DGKQ: variants seen among roughly 807,000 people sequenced by gnomAD.
DGKQ encodes DAG kinase theta.
Under a neutral mutation model 104.2 loss-of-function variants are expected in DGKQ, and 97 were observed. That is an observed-to-expected ratio of 0.93 (90% CI 0.79 to 1.10). DGKQ has a LOEUF of 1.10. Among genes scored for constraint, DGKQ ranks in the 50% least tolerant of loss-of-function variants. DGKQ has a pLI of 0.00. For missense variants in DGKQ, 1,465 were observed against 1,352.1 expected, an observed-to-expected ratio of 1.08 and a Z score of -1.31; for synonymous variants, 736 against 595.2, an observed-to-expected ratio of 1.24 and a Z score of -3.44.
Position 967,712 on chromosome 4 carries a change from T to C in DGKQ, c.886+16A>G. ...GGGACCTCAGTGGAGTTGGGGGGAA[T>C]GAGGCGGGCACTTACCGGACTCCGG... On this transcript the variant is annotated intron_variant, in intron 7 of 22. Transcript: ENST00000273814. The C allele has an allele frequency of 6.2e-7, 1 of 1,611,832 alleles. No individual in the cohort carries two copies.
rs766877502 is a variant in DGKQ at position 965,178 on chromosome 4, G to A, written c.1732C>T (p.Leu578=). Residue 578 remains leucine, a splice_region_variant and synonymous_variant, in exon 15 of 23, where the codon CTG becomes TTG. Transcript: ENST00000273814. ...LLTALVLPDL[L]HAKLPPDSCP... ...AGCCGGCTTGACCGCACACTCACCA[G>A]CAGGTCGGGGAGCACCAGGGCAGTG... 6.2e-7 allele frequency: 1 copy of A among 1,612,096 alleles called. No homozygotes were observed. Among genetic ancestry groups the A allele is most frequent in the Admixed American group, 1.7e-5 (1 of 60,032 alleles).
chr4:963,299 CAG>C lies in DGKQ; in HGVS notation c.1735-11_1735-10del, dbSNP rs750210807. On this transcript the variant is annotated splice_polypyrimidine_tract_variant and intron_variant, in intron 15 of 22. Transcript: ENST00000273814. The stretch of plus-strand genomic sequence containing the variant: ...GGGGGCAGCTTCGCGTGCTGACAGA[CAG>C]GGGGCTGGGTTAGGATGGGGACCCA... 129 of 1,597,278 alleles carry C rather than the reference CAG, an allele frequency of 8.1e-5. No homozygotes were observed. Among genetic ancestry groups the C allele is most frequent in the East Asian group, 2.0e-4 (9 of 44,392 alleles).
chr4:962,861 G>A lies in DGKQ; in HGVS notation c.1946C>T (p.Thr649Ile), dbSNP rs778607055. 1 of 1,608,598 alleles carries A rather than the reference G, an allele frequency of 6.2e-7. No individual in the cohort carries two copies. Among genetic ancestry groups the A allele is most frequent in the Admixed American group, 1.7e-5 (1 of 59,498 alleles). The change falls in exon 17 of 23, where the codon ACT becomes ATT. Residue 649 changes from threonine (T) to isoleucine (I), a missense_variant. Thr to Ile is a moderately conservative substitution (Grantham distance 89). Coordinates refer to ENST00000273814, the MANE Select transcript of DGKQ (RefSeq NM_001347.4). ...CAGGGCGCCAAGCACCCAGCCCACA[G>A]TGCCATCGCCACCACACACCAGCAC... is the stretch of plus-strand genomic sequence containing the variant. ...FRVLVCGGDG[T>I]VGWVLGALEE...
At position 960,368 on chromosome 4, in the gene DGKQ, C is replaced by A; in HGVS notation, c.*252G>T. On this transcript the variant is annotated 3_prime_UTR_variant, in exon 23 of 23. Coordinates refer to ENST00000273814, the MANE Select transcript of DGKQ (RefSeq NM_001347.4). ...TCACCATCCAGAGCCCTGCGCCCAC[C>A]CGGGACACGGGGTAACACTGCCACC... 1 of 566,084 alleles carries A rather than the reference C, an allele frequency of 1.8e-6. No individual in the cohort carries two copies. The highest frequency in any genetic ancestry group is 3.2e-6 in the Non-Finnish European group (1 of 314,248). 35.1% of individuals were successfully genotyped at this position (566,084 alleles called of 1,614,324 possible).
rs35245784 is a variant in DGKQ at position 969,612 on chromosome 4, C to CTT, written c.352-704_352-703dup. 5.7e-3 allele frequency among the ~76,000 whole-genome samples: 822 copies of CTT among 143,272 alleles called. 10 individuals carry two copies. The highest frequency in any genetic ancestry group is 7.4e-3 in the African/African-American group (287 of 38,996). 94.0% of individuals were successfully genotyped at this position (143,272 alleles called of 152,430 possible). On this transcript the variant is annotated intron_variant, in intron 2 of 22. Transcript: ENST00000273814. ...ACTTTTATTTTGTTAAATATATCTC[C>CTT]TTTTTTTTTTTTTTTGAGATGGAGT... is the stretch of plus-strand genomic sequence containing the variant.
intron 15 of DGKQ, among the ~76,000 whole-genome samples, chr4:964,251 C>G (rs1305260748): frequency 6.6e-6 from 1 of 152,204 alleles, no homozygotes; most frequent in Non-Finnish European, 1.5e-5. Flanking sequence ...GGAGGCATAG[C>G]AGGGAGCCAC....
intron 15 of DGKQ, 69 bp from the exon 16 acceptor site, chr4:963,359 G>T: frequency 6.9e-7 from 1 of 1,449,778 alleles, no homozygotes; most frequent in Non-Finnish European, 9.4e-7. Context: ...GGGTTGCCAG[G>T]CAGTGCCCAG....
Position 965,928 on chromosome 4 carries a change from C to T in DGKQ, c.1579G>A (p.Ala527Thr), listed in dbSNP as rs749711296. ...SLLHEAGATK[A>T]TVVSVSHIYS... The stretch of plus-strand genomic sequence containing the variant: ...CCACGGCCAGCCACAGTGGTCACAC[C>T]TTTGGTAGCCCCGGCCTCATGCAGC... Residue 527 changes from alanine to threonine, a missense_variant and splice_region_variant, in exon 13 of 23, where the codon GCC becomes ACC. By Grantham distance (58) the Ala-to-Thr change is moderately conservative. Transcript: ENST00000273814. 3.8e-6 allele frequency: 6 copies of T among 1,597,588 alleles called. No homozygotes were observed. Among genetic ancestry groups the T allele is most frequent in the Non-Finnish European group, 5.1e-6 (6 of 1,171,534 alleles).
chr4:968,611 C>G, intron 3 of DGKQ, 47 bp from the exon 4 acceptor site: 1 of 1,529,758 alleles, frequency 6.5e-7, no homozygotes, highest in Non-Finnish European at 8.8e-7. Flanking sequence ...CCGGAGGACC[C>G]CTGCCTCTGC....
At chr4:966,235 CT>C in intron 12 of DGKQ, 157 bp from the exon 13 acceptor site, 2 of 920,832 alleles carry the variant, frequency 2.2e-6, no homozygotes, top group Non-Finnish European at 3.3e-6. Flanking sequence ...CAGAGGCTTC[CT>C]TGCTGTGGAC....
intron 1 of DGKQ, among the ~76,000 whole-genome samples, chr4:972,889 C>T (rs1713045540): frequency 6.6e-6 from 1 of 152,232 alleles, no homozygotes; most frequent in Admixed American, 6.5e-5. Context: ...TTAGCCACAC[C>T]TGCTGCCCCA....
chr4:963,613 G>C (rs1712061229), intron 15 of DGKQ, among the ~76,000 whole-genome samples: 1 of 152,240 alleles, frequency 6.6e-6, no homozygotes, highest in Admixed American at 6.5e-5. Flanking sequence ...GCGAGTCCAG[G>C]CTGGAAATCC....
rs370265961 is a variant in DGKQ at position 963,207 on chromosome 4, G to A, written c.1818C>T (p.Leu606=). Residue 606 remains leucine (L), a synonymous_variant, in exon 16 of 23, where the codon CTC becomes CTT. Transcript: ENST00000273814. Reference sequence around the variant, plus strand: ...GGTTCAGTAGCTTCCGGAAGCTGCAGAGCAGGTCTCGGCCCTTGAGGCCTC... The same window carrying A: ...GGTTCAGTAGCTTCCGGAAGCTGCAAAGCAGGTCTCGGCCCTTGAGGCCTC... The part of the protein sequence containing the change: ...KSGGLKGRDL[L]CSFRKLLNPH... 9.9e-6 allele frequency: 16 copies of A among 1,611,480 alleles called. No individual in the cohort carries two copies. In the South Asian group the frequency reaches 1.2e-4, roughly 12 times the overall value.
At chr4:969,672 T>G (rs1012667426) in intron 2 of DGKQ, among the ~76,000 whole-genome samples, 2 of 150,758 alleles carry the variant, frequency 1.3e-5, no homozygotes, top group South Asian at 4.2e-4. Flanking sequence ...TGCAGTGGCG[T>G]GATCTCGGCT....
intron 2 of DGKQ, among the ~76,000 whole-genome samples, chr4:969,286 C>A (rs1049838595): frequency 6.6e-6 from 1 of 152,264 alleles, no homozygotes; most frequent in Non-Finnish European, 1.5e-5. Flanking sequence ...GCCACCCCTT[C>A]CCTCCTTGGG....
intron 12 of DGKQ, 193 bp from the exon 13 acceptor site, chr4:966,271 A>C: frequency 1.2e-6 from 1 of 822,380 alleles, no homozygotes; most frequent in South Asian, 1.8e-5. Flanking sequence ...CCCCTCGAGG[A>C]CCTCGGGGAG....
Position 960,694 on chromosome 4 carries a change from TCTG to T in DGKQ, c.2752_2754del (p.Gln918del). ...CTGGTGGTCCCGGCCCTCCTCGGCT[TCTG>T]CTTGGCCTTCCTCAGCATGTGCACC... On this transcript the variant is annotated inframe_deletion, in exon 23 of 23. Coordinates refer to ENST00000273814, the MANE Select transcript of DGKQ (RefSeq NM_001347.4). 1 of 1,612,048 alleles carries T rather than the reference TCTG, an allele frequency of 6.2e-7. No individual in the cohort carries two copies. Among genetic ancestry groups the T allele is most frequent in the East Asian group, 2.2e-5 (1 of 44,838 alleles).
Position 967,873 on chromosome 4 carries a change from A to C in DGKQ, c.811+7T>G, listed in dbSNP as rs936510519. ...GCCCAGGGCGCCCCGGCCGGCCCGC[A>C]CCTCACCCGGCTCCGCGGCCTCCAC... On this transcript the variant is annotated splice_region_variant and intron_variant, in intron 6 of 22. Coordinates refer to ENST00000273814, the MANE Select transcript of DGKQ (RefSeq NM_001347.4). 5 of 1,460,034 alleles carry C rather than the reference A, an allele frequency of 3.4e-6. No individual in the cohort carries two copies. In the African/African-American group the frequency reaches 7.3e-5, roughly 21 times the overall value. 90.4% of individuals were successfully genotyped at this position (1,460,034 alleles called of 1,614,324 possible). A position where few individuals can be genotyped will look rare whatever the true frequency, so the allele number is the denominator to read the frequency against.
rs1472225853 is a variant in DGKQ at position 959,351 on chromosome 4, A to G, written c.*1269T>C. 2 of 152,496 alleles carry G rather than the reference A, an allele frequency of 1.3e-5. No individual in the cohort carries two copies. Among genetic ancestry groups the G allele is most frequent in the East Asian group, 3.9e-4 (2 of 5,160 alleles). 9.4% of individuals were successfully genotyped at this position (152,496 alleles called of 1,614,324 possible). ...AGGCCCAGGCCAGCTGTGCCCCACA[A>G]GGGAAGGGGGAGATCCGCACCGTGG... is the stretch of plus-strand genomic sequence containing the variant. On this transcript the variant is annotated 3_prime_UTR_variant, in exon 23 of 23. Transcript: ENST00000273814.
Sources: gnomAD v4.1 joint callset for allele counts (sites outside exome capture counted in the v4.1 genomes callset) on GRCh38, gnomAD v4.1.1 for gene constraint, MANE v1.5 for transcripts, NCBI Gene and HGNC (gene_info 2026-07-23, HGNC 2026-07-21) for gene names.